Variants in LHFPL4 observed in about 807,000 individuals in gnomAD.
The protein encoded by LHFPL4 is LHFPL tetraspan subfamily member 4, also known as LHFPL tetraspan subfamily member 4 protein.
In LHFPL4, 6 loss-of-function variants were observed where a neutral mutation model predicts 20.0. The ratio of observed to expected loss-of-function variants is 0.30; its 90% CI spans 0.16 to 0.59. The LOEUF (loss-of-function observed/expected upper bound fraction) is 0.59, where lower values mean the gene tolerates loss of function less well. Ranked by LOEUF, LHFPL4 falls within the 20% of genes least tolerant of loss-of-function variation. The probability of loss-of-function intolerance (pLI) is 0.88; values close to 1 mark genes in which losing one functional copy is unlikely to be tolerated. For missense variants in LHFPL4, 215 were observed against 331.2 expected, an observed-to-expected ratio of 0.65 and a Z score of 2.72; for synonymous variants, 129 against 143.8, an observed-to-expected ratio of 0.90 and a Z score of 0.74.
In LHFPL4 at chr3:9,502,181, G is replaced by C. The variant is rs546734156; in HGVS notation, c.*30C>G. On this transcript the variant is annotated 3_prime_UTR_variant, in exon 4 of 4. Coordinates refer to ENST00000287585, the MANE Select transcript of LHFPL4 (RefSeq NM_198560.3). ...CAGAAGGCAGGACAAGCTGAGGTCA[G>C]GCCAATTACTGGGCTGTGATCCTGG... 1,449 of 1,523,874 alleles carry C rather than the reference G, an allele frequency of 9.5e-4. 24 individuals carry two copies. The South Asian group carries it at 0.015, about 16-fold the overall frequency. The allele number at this position is 1,523,874 out of a possible 1,614,324, so 94.4% of individuals were successfully genotyped here. A position where few individuals can be genotyped will look rare whatever the true frequency, so the allele number is the denominator to read the frequency against.
At chr3:9,538,319 GA>G (rs1422937675) in intron 2 of LHFPL4, among the ~76,000 whole-genome samples, 1 of 152,082 alleles carries the variant, frequency 6.6e-6, no homozygotes, top group African/African-American at 2.4e-5. Context: ...CTAGGAATAA[GA>G]CCCGAACTCC....
At position 9,502,037 on chromosome 3, in the gene LHFPL4, T is replaced by TC. The variant is rs2046180234; in HGVS notation, c.*173dup. 2 of 621,604 alleles carry TC rather than the reference T, an allele frequency of 3.2e-6. No homozygotes were observed. Among genetic ancestry groups the TC allele is most frequent in the South Asian group, 2.0e-5 (1 of 51,026 alleles). 38.5% of individuals were successfully genotyped at this position (621,604 alleles called of 1,614,324 possible). ...CCCAAGGTTTGGAGGGCCTCTCCTC[T>TC]CCCCCAGGCCACATCCAGGCTTTCC... On this transcript the variant is annotated 3_prime_UTR_variant, in exon 4 of 4. Coordinates refer to ENST00000287585, the MANE Select transcript of LHFPL4 (RefSeq NM_198560.3).
At chr3:9,503,634 C>T (rs2046194779) in intron 3 of LHFPL4, among the ~76,000 whole-genome samples, 1 of 152,224 alleles carries the variant, frequency 6.6e-6, no homozygotes, top group South Asian at 2.1e-4. Context: ...GGGCAAATTA[C>T]TGGAGCTCTG....
At chr3:9,508,804 CT>C in intron 2 of LHFPL4, among the ~76,000 whole-genome samples, 1 of 152,354 alleles carries the variant, frequency 6.6e-6, no homozygotes, top group African/African-American at 2.4e-5. Context: ...AGCCCCAGTC[CT>C]TCCCCCGCCC....
At chr3:9,531,725 C>T (rs1478550790) in intron 2 of LHFPL4, among the ~76,000 whole-genome samples, 2 of 151,968 alleles carry the variant, frequency 1.3e-5, no homozygotes, top group Non-Finnish European at 2.9e-5. Flanking sequence ...TGTTTGAACC[C>T]GGGAACGGGA....
At chr3:9,507,823 C>T (rs922767204) in intron 2 of LHFPL4, among the ~76,000 whole-genome samples, 4 of 152,212 alleles carry the variant, frequency 2.6e-5, no homozygotes, top group Non-Finnish European at 2.9e-5. Flanking sequence ...GCACCTCCTG[C>T]GTCACAGGGC....
intron 2 of LHFPL4, among the ~76,000 whole-genome samples, chr3:9,544,517 C>G (rs1167931048): frequency 6.6e-6 from 1 of 151,950 alleles, no homozygotes; most frequent in African/African-American, 2.4e-5. Context: ...CCCAGCTACT[C>G]GGGAGGCTGA....
chr3:9,541,543 G>C (rs548530734), intron 2 of LHFPL4, among the ~76,000 whole-genome samples: 2 of 152,022 alleles, frequency 1.3e-5, no homozygotes, highest in Admixed American at 6.5e-5. Flanking sequence ...AGGCCAAGGC[G>C]GGTGGATCAC....
intron 2 of LHFPL4, among the ~76,000 whole-genome samples, chr3:9,521,393 T>A (rs1280240552): frequency 1.3e-5 from 2 of 151,320 alleles, no homozygotes; most frequent in African/African-American, 2.4e-5. Context: ...CTTGGCTAAT[T>A]TTTTTTCTAC....
In LHFPL4 at chr3:9,552,409, C is replaced by A. The variant is rs1353667212; in HGVS notation, c.271G>T (p.Ala91Ser). 1 of 1,613,890 alleles carries A rather than the reference C, an allele frequency of 6.2e-7. No individual in the cohort carries two copies. The highest frequency in any genetic ancestry group is 8.5e-7 in the Non-Finnish European group (1 of 1,180,002). Residue 91 changes from alanine (A) to serine (S), a missense_variant, in exon 2 of 4, where the codon GCC (alanine) becomes TCC (serine). This residue lies in a region of LHFPL4 where 164 missense variants were observed against 286.7 expected (regional missense o/e 0.57). Transcript: ENST00000287585. ...FTDFSTIPSSAFKAAAFFVLL... is the reference protein window; with the variant it reads ...FTDFSTIPSSSFKAAAFFVLL... ...ACGAAGAAGGCGGCCGCCTTGAAGG[C>A]GCTGGACGGGATGGTGCTGAAGTCG... is the stretch of plus-strand genomic sequence containing the variant.
At chr3:9,548,637 C>T (rs1429818631) in intron 2 of LHFPL4, among the ~76,000 whole-genome samples, 1 of 152,204 alleles carries the variant, frequency 6.6e-6, no homozygotes, top group Non-Finnish European at 1.5e-5. Flanking sequence ...GCTCAGACTG[C>T]CCAGGGGAAA....
intron 2 of LHFPL4, among the ~76,000 whole-genome samples, chr3:9,531,830 GACT>G (rs754666060): frequency 6.8e-6 from 1 of 147,960 alleles, no homozygotes; most frequent in Non-Finnish European, 1.5e-5. Flanking sequence ...GAAAAGAAAA[GACT>G]AAAAAACTAA....
intron 2 of LHFPL4, among the ~76,000 whole-genome samples, chr3:9,528,498 C>T (rs1172277568): frequency 1.8e-4 from 28 of 152,210 alleles, no homozygotes; most frequent in Non-Finnish European, 1.3e-4. Flanking sequence ...CAGTTACTTC[C>T]TCCACTGAAG....
intron 2 of LHFPL4, among the ~76,000 whole-genome samples, chr3:9,509,607 G>GA (rs1282776730): frequency 3.9e-5 from 6 of 152,176 alleles, no homozygotes; most frequent in Admixed American, 6.5e-5. Context: ...TGCTTCAAAG[G>GA]AAAAAGACTA....
chr3:9,547,405 G>A (rs35404710), intron 2 of LHFPL4, among the ~76,000 whole-genome samples: 462 of 152,182 alleles, frequency 3.0e-3, no homozygotes, highest in Non-Finnish European at 5.1e-3. Flanking sequence ...TAACTACACC[G>A]GGCCCACAGG....
intron 2 of LHFPL4, among the ~76,000 whole-genome samples, chr3:9,551,569 C>T (rs2046554281): frequency 6.6e-6 from 1 of 152,150 alleles, no homozygotes; most frequent in South Asian, 2.1e-4. Flanking sequence ...TTCGGAGGGT[C>T]TCAGGGACTC....
At position 9,540,899 on chromosome 3, in the gene LHFPL4, AT is replaced by A. The variant is rs1310760256; in HGVS notation, c.406+11374del. ...GAGTGGGACCCTGTCTCAAAAAAAA[AT>A]AATAATAAAAAATAAGAAATGAAAA... On this transcript the variant is annotated intron_variant, in intron 2 of 3. Transcript: ENST00000287585. Among the ~76,000 whole-genome samples the A allele has an allele frequency of 4.0e-4, 60 of 151,790 alleles. No individual in the cohort carries two copies. In the East Asian group the frequency reaches 0.011, roughly 27 times the overall value.
At chr3:9,550,693 A>T (rs546286210) in intron 2 of LHFPL4, 1 of 151,792 alleles carries the variant, frequency 6.6e-6, no homozygotes, top group East Asian at 1.9e-4. Flanking sequence ...ACATAATATC[A>T]CCTCCCTGGG....
At chr3:9,522,440 T>C (rs896393762) in intron 2 of LHFPL4, among the ~76,000 whole-genome samples, 3 of 152,082 alleles carry the variant, frequency 2.0e-5, no homozygotes, top group Non-Finnish European at 4.4e-5. Flanking sequence ...AGATCAATTA[T>C]GCATAAGAAA....
Sources: allele counts gnomAD v4.1 joint callset (sites outside exome capture counted in the v4.1 genomes callset), GRCh38; gene constraint gnomAD v4.1.1; regional missense constraint gnomAD v4.1.1; transcripts MANE v1.5; gene names NCBI Gene and HGNC (gene_info 2026-07-23, HGNC 2026-07-21).